The following WAC variants were observed in gnomAD, a reference collection of about 807,000 sequenced individuals.
WAC encodes WW domain containing adaptor with coiled-coil, also known as WW domain-containing adapter protein with coiled-coil.
WAC carries 11 observed loss-of-function variants against 79.6 expected under a neutral mutation model. That is an observed-to-expected ratio of 0.14 (90% CI 0.09 to 0.23). The LOEUF (loss-of-function observed/expected upper bound fraction) is 0.23, where lower values mean the gene tolerates loss of function less well. Among genes scored for constraint, WAC ranks in the 10% least tolerant of loss-of-function variants. The probability of loss-of-function intolerance (pLI) is 1.00; values close to 1 mark genes in which losing one functional copy is unlikely to be tolerated. For missense variants in WAC, 728 were observed against 773.5 expected (o/e 0.94, Z 0.70); for synonymous variants, 304 against 276.9 (o/e 1.10, Z -0.97).
chr10:28,620,944 A>G lies in WAC; in HGVS notation c.*1338A>G, dbSNP rs1841664152. 6.6e-6 allele frequency: 1 copy of G among 152,180 alleles called. No individual in the cohort carries two copies. The highest frequency in any genetic ancestry group is 1.5e-5 in the Non-Finnish European group (1 of 68,026). 9.4% of individuals were successfully genotyped at this position (152,180 alleles called of 1,614,324 possible). ...ATAGCAGGAAAGCGCAGCTTTGTATATTGTTTCCTAAAGTATATTAAAATA... is the reference window on the plus strand; with the variant it reads ...ATAGCAGGAAAGCGCAGCTTTGTATGTTGTTTCCTAAAGTATATTAAAATA... On this transcript the variant is annotated 3_prime_UTR_variant, in exon 14 of 14. Transcript: ENST00000354911.
At chr10:28,551,421 C>G (rs1272361743) in intron 3 of WAC, among the ~76,000 whole-genome samples, 1 of 152,176 alleles carries the variant, frequency 6.6e-6, no homozygotes, top group Non-Finnish European at 1.5e-5. Flanking sequence ...ATGACTTTTA[C>G]AAGTAAACCG....
intron 1 of WAC, 133 bp from the exon 2 acceptor site, chr10:28,533,865 G>T: frequency 8.5e-7 from 1 of 1,177,184 alleles, no homozygotes; most frequent in Non-Finnish European, 1.2e-6. Flanking sequence ...TGTGCCGTGT[G>T]CGTGCGGGGC....
intron 10 of WAC, 133 bp downstream of exon 10, chr10:28,612,055 G>C (rs760386290): frequency 5.0e-5 from 55 of 1,106,048 alleles, no homozygotes; most frequent in Non-Finnish European, 7.0e-5. Context: ...AGGTATGATA[G>C]TAGATGCAGC....
At chr10:28,582,439 C>T (rs1839587125) in intron 3 of WAC, among the ~76,000 whole-genome samples, 1 of 152,106 alleles carries the variant, frequency 6.6e-6, no homozygotes, top group African/African-American at 2.4e-5. Flanking sequence ...AAATAATATT[C>T]CTAACTCATT....
intron 7 of WAC, among the ~76,000 whole-genome samples, chr10:28,604,752 C>T (rs1407696702): frequency 6.6e-6 from 1 of 152,074 alleles, no homozygotes; most frequent in Non-Finnish European, 1.5e-5. Context: ...ATTCCTCTCC[C>T]GAGGAAGCTC....
intron 3 of WAC, among the ~76,000 whole-genome samples, chr10:28,560,728 A>G (rs537574082): frequency 3.3e-5 from 5 of 152,334 alleles, no homozygotes; most frequent in East Asian, 3.9e-4. Context: ...CTTTGCTGCT[A>G]TAGAGTCTCT....
rs1841670737 is a variant in WAC at position 28,621,083 on chromosome 10, T to C, written c.*1477T>C. ...CCAGTAATGTATCAAATCACAAGGG[T>C]TTCCGCATGAAAAAAATCTTTTCTT... On this transcript the variant is annotated 3_prime_UTR_variant, in exon 14 of 14. Coordinates refer to ENST00000354911, the MANE Select transcript of WAC (RefSeq NM_016628.5). 1 of 151,976 alleles carries C rather than the reference T, an allele frequency of 6.6e-6. No homozygotes were observed. Among genetic ancestry groups the C allele is most frequent in the African/African-American group, 2.4e-5 (1 of 41,398 alleles). The allele number at this position is 151,976 out of a possible 1,614,324, so 9.4% of individuals were successfully genotyped here. A position where few individuals can be genotyped will look rare whatever the true frequency, so the allele number is the denominator to read the frequency against.
At chr10:28,563,595 T>C (rs888290610) in intron 3 of WAC, among the ~76,000 whole-genome samples, 1 of 152,072 alleles carries the variant, frequency 6.6e-6, no homozygotes, top group African/African-American at 2.4e-5. Flanking sequence ...TTTTTGTTTT[T>C]TTGAGACGGA....
chr10:28,571,513 T>C (rs1838961904), intron 3 of WAC, among the ~76,000 whole-genome samples: 1 of 152,252 alleles, frequency 6.6e-6, no homozygotes, highest in South Asian at 2.1e-4. Context: ...TATGCTGTTG[T>C]TCATAATGTG....
chr10:28,563,972 C>G (rs1200210464), intron 3 of WAC, among the ~76,000 whole-genome samples: 1 of 151,888 alleles, frequency 6.6e-6, no homozygotes, highest in Admixed American at 6.6e-5. Flanking sequence ...GAAACACCAT[C>G]CAATCTGAAA....
chr10:28,542,123 CAG>C (rs557916016), intron 3 of WAC, among the ~76,000 whole-genome samples: 133 of 152,320 alleles, frequency 8.7e-4, no homozygotes, highest in Middle Eastern at 3.4e-3. Context: ...GTTCCTGTCT[CAG>C]GGGCTCTGCA....
intron 1 of WAC, 186 bp from the exon 2 acceptor site, chr10:28,533,812 C>G: frequency 1.0e-6 from 1 of 989,528 alleles, no homozygotes; most frequent in Non-Finnish European, 1.5e-6. Context: ...GGCCCGGCTT[C>G]GCGGCATTTC....
intron 3 of WAC, among the ~76,000 whole-genome samples, chr10:28,561,869 C>G (rs1838317177): frequency 6.6e-6 from 1 of 152,152 alleles, no homozygotes; most frequent in Non-Finnish European, 1.5e-5. Context: ...GAGAATCTAA[C>G]TAATGCCTTA....
intron 3 of WAC, among the ~76,000 whole-genome samples, chr10:28,570,946 C>CTTTT (rs139500035): frequency 1.5e-5 from 1 of 64,538 alleles, no homozygotes; most frequent in Non-Finnish European, 2.7e-5. Flanking sequence ...TAAAGATATA[C>CTTTT]TTTTTTTTTT....
chr10:28,614,340 G>A (rs947979643), intron 10 of WAC, among the ~76,000 whole-genome samples: 10 of 152,156 alleles, frequency 6.6e-5, no homozygotes, highest in Non-Finnish European at 1.5e-4. Context: ...TGATCCGCCC[G>A]CCTCGGCCTC....
In WAC at chr10:28,595,975, G is replaced by A. The variant is rs775072691; in HGVS notation, c.853G>A (p.Ala285Thr). Residue 285 changes from alanine to threonine, a missense_variant, in exon 7 of 14, where the codon GCA becomes ACA. Physicochemically the swap from Ala to Thr is moderately conservative, Grantham distance 58. Transcript: ENST00000354911. ...AAAGAAATCATTTGATGCTAATGGAGCATCTACTTTATCAAAACTGCCTAC... is the reference window on the plus strand; with the variant it reads ...AAAGAAATCATTTGATGCTAATGGAACATCTACTTTATCAAAACTGCCTAC... ...QPKKSFDANG[A>T]STLSKLPTPT... is the part of the protein sequence containing the mutation. 6.2e-7 allele frequency: 1 copy of A among 1,614,082 alleles called. No individual in the cohort carries two copies. Among genetic ancestry groups the A allele is most frequent in the South Asian group, 1.1e-5 (1 of 91,080 alleles).
chr10:28,569,926 A>G (rs1407542794), intron 3 of WAC, among the ~76,000 whole-genome samples: 3 of 152,330 alleles, frequency 2.0e-5, no homozygotes, highest in Non-Finnish European at 2.9e-5. Flanking sequence ...AACAGCACCA[A>G]AAGTGTCCAA....
At chr10:28,605,167 C>A (rs1263230091) in intron 7 of WAC, among the ~76,000 whole-genome samples, 1 of 152,178 alleles carries the variant, frequency 6.6e-6, no homozygotes, top group Non-Finnish European at 1.5e-5. Context: ...TATCTTTATT[C>A]AATTCAGTTC....
rs777881818 is a variant in WAC at position 28,611,904 on chromosome 10, T to G, written c.1419T>G (p.Pro473=). The G allele has an allele frequency of 6.2e-7, 1 of 1,613,040 alleles. No homozygotes were observed. Among genetic ancestry groups the G allele is most frequent in the Admixed American group, 1.7e-5 (1 of 59,780 alleles). Residue 473 remains proline (P), a synonymous_variant, in exon 10 of 14, where the codon CCT becomes CCG. Coordinates refer to ENST00000354911, the MANE Select transcript of WAC (RefSeq NM_016628.5). ...VPIKPLISTP[P]VSSQPKVSTP... The stretch of plus-strand genomic sequence containing the variant: ...TCAAACCTTTGATCAGTACTCCTCC[T>G]GTTTCATCACAGCCAAAGGTATGTC...
Sources: allele counts gnomAD v4.1 joint callset (sites outside exome capture counted in the v4.1 genomes callset), GRCh38; gene constraint gnomAD v4.1.1; transcripts MANE v1.5; gene names NCBI Gene and HGNC (gene_info 2026-07-23, HGNC 2026-07-21).